Variants in C10orf90 observed in about 807,000 individuals in gnomAD.
The protein encoded by C10orf90 is chromosome 10 open reading frame 90.
In C10orf90, 56 loss-of-function variants were observed where a neutral mutation model predicts 62.5. The ratio of observed to expected loss-of-function variants is 0.90; its 90% CI spans 0.72 to 1.12. C10orf90 has a LOEUF of 1.12. Among genes scored for constraint, C10orf90 ranks in the 50% most tolerant of loss-of-function variants. The pLI is 0.00. For missense variants in C10orf90, 970 were observed against 880.4 expected, an observed-to-expected ratio of 1.10 and a Z score of -1.29; for synonymous variants, 386 against 340.4, an observed-to-expected ratio of 1.13 and a Z score of -1.47.
At chr10:126,471,298 G>A (rs571723063) in intron 4 of C10orf90, among the ~76,000 whole-genome samples, 1 of 152,300 alleles carries the variant, frequency 6.6e-6, no homozygotes, top group South Asian at 2.1e-4. Context: ...CAGACATGGA[G>A]GGGGCCTTTC....
At chr10:126,561,762 T>A (rs11245043) in intron 2 of C10orf90, among the ~76,000 whole-genome samples, 72,541 of 151,848 alleles carry the variant, frequency 0.48, 17,641 homozygotes, top group Middle Eastern at 0.55. Context: ...CAGTGGACAG[T>A]TGTGTGCCTG....
intron 7 of C10orf90, among the ~76,000 whole-genome samples, chr10:126,452,877 A>G (rs551932037): frequency 3.8e-4 from 58 of 152,322 alleles, no homozygotes; most frequent in African/African-American, 1.4e-3. Flanking sequence ...CTTGTGAGTA[A>G]TATCAGGAGA....
rs72831264 is a variant in C10orf90 at position 126,525,013 on chromosome 10, G to A, written c.314-11074C>T. On this transcript the variant is annotated intron_variant, in intron 2 of 9. Coordinates refer to ENST00000488181, the MANE Select transcript of C10orf90 (RefSeq NM_001350921.2). ...TTGCAGGTGGGTGGCAGAAAATTGG[G>A]ATGCTTCTGTGGACAAGAGTGGCCA... 8.0e-3 allele frequency among the ~76,000 whole-genome samples: 1,223 copies of A among 152,300 alleles called. 13 individuals carry two copies. Among genetic ancestry groups the A allele is most frequent in the Non-Finnish European group, 0.011 (761 of 68,034 alleles).
chr10:126,507,356 C>CA (rs1204374185), intron 3 of C10orf90, among the ~76,000 whole-genome samples: 11,004 of 68,686 alleles, frequency 0.16, 1,155 homozygotes, highest in East Asian at 0.31. Context: ...GACTCCATCT[C>CA]AAAAAAAAAA....
At chr10:126,559,611 C>T (rs777624685) in intron 2 of C10orf90, among the ~76,000 whole-genome samples, 8 of 152,296 alleles carry the variant, frequency 5.3e-5, no homozygotes, top group South Asian at 2.1e-4. Context: ...CTTCTGCCTC[C>T]GCCTGGTTGC....
chr10:126,589,567 A>T (rs989338350), intron 2 of C10orf90, among the ~76,000 whole-genome samples: 26 of 152,350 alleles, frequency 1.7e-4, no homozygotes, highest in Middle Eastern at 3.4e-3. Flanking sequence ...TTCTTAAAAG[A>T]AAGAATTTCC....
intron 4 of C10orf90, chr10:126,470,015 G>A (rs1590962096): frequency 4.4e-6 from 2 of 456,736 alleles, no homozygotes; most frequent in African/African-American, 2.0e-5. Flanking sequence ...CTGCAGTGGA[G>A]GGAAAGGCAT....
chr10:126,514,852 G>A (rs1258647908), intron 2 of C10orf90, among the ~76,000 whole-genome samples: 1 of 152,054 alleles, frequency 6.6e-6, no homozygotes, highest in Non-Finnish European at 1.5e-5. Flanking sequence ...CCAAACACAG[G>A]GAAATGGTAT....
intron 2 of C10orf90, among the ~76,000 whole-genome samples, chr10:126,515,388 T>A (rs1334382959): frequency 6.6e-6 from 1 of 152,226 alleles, no homozygotes; most frequent in African/African-American, 2.4e-5. Context: ...AATTGTCCTA[T>A]ACAGGTAGGC....
intron 8 of C10orf90, 35 bp from the exon 9 acceptor site, chr10:126,426,125 C>A (rs1185838244): frequency 6.4e-7 from 1 of 1,554,110 alleles, no homozygotes; most frequent in Non-Finnish European, 8.9e-7. Context: ...GGAATGGTAG[C>A]TTGACAGCGT....
intron 7 of C10orf90, among the ~76,000 whole-genome samples, chr10:126,447,771 A>G (rs1858878001): frequency 6.6e-6 from 1 of 152,214 alleles, no homozygotes. Flanking sequence ...AGAATAGATC[A>G]TATGTTAGGC....
chr10:126,505,753 G>A (rs1190272860), intron 3 of C10orf90, among the ~76,000 whole-genome samples: 1 of 152,170 alleles, frequency 6.6e-6, no homozygotes, highest in Non-Finnish European at 1.5e-5. Context: ...TCGTGAGTTT[G>A]AGACCAGCCT....
chr10:126,565,058 A>C (rs1285318325), intron 2 of C10orf90, among the ~76,000 whole-genome samples: 6 of 18,368 alleles, frequency 3.3e-4, no homozygotes, highest in African/African-American at 1.0e-3. Flanking sequence ...ATAATATATA[A>C]AATATATATT....
At chr10:126,466,991 C>T (rs1564812678) in intron 4 of C10orf90, among the ~76,000 whole-genome samples, 1 of 152,192 alleles carries the variant, frequency 6.6e-6, no homozygotes, top group East Asian at 1.9e-4. Context: ...AGCTCTCTGA[C>T]AGAATCAAAA....
intron 2 of C10orf90, among the ~76,000 whole-genome samples, chr10:126,592,115 A>G (rs1316331972): frequency 1.3e-5 from 2 of 152,246 alleles, no homozygotes; most frequent in Non-Finnish European, 2.9e-5. Flanking sequence ...GAAAATAGCC[A>G]TACTGCCCAA....
chr10:126,639,246 C>T lies in C10orf90; in HGVS notation c.313+7319G>A, dbSNP rs150311170. 2.2e-4 allele frequency among the ~76,000 whole-genome samples: 34 copies of T among 152,256 alleles called. 1 individual carries two copies. The highest frequency in any genetic ancestry group is 8.2e-4 in the African/African-American group (34 of 41,550). ...CACCCCTCCAGTTGACAACTGCTGC[C>T]AACTCAAAGCTATTTATCTTGCTCT... On this transcript the variant is annotated intron_variant, in intron 2 of 9. Coordinates refer to ENST00000488181, the MANE Select transcript of C10orf90 (RefSeq NM_001350921.2).
At chr10:126,641,621 A>T (rs2133844282) in intron 2 of C10orf90, among the ~76,000 whole-genome samples, 1 of 152,084 alleles carries the variant, frequency 6.6e-6, no homozygotes, top group Non-Finnish European at 1.5e-5. Flanking sequence ...ATCGCCCTCA[A>T]TCCATAGACC....
chr10:126,503,869 A>G, intron 4 of C10orf90, 88 bp downstream of exon 4: 3 of 1,474,298 alleles, frequency 2.0e-6, no homozygotes, highest in Non-Finnish European at 2.7e-6. Flanking sequence ...GCCTCTTAGA[A>G]TAAGTTTTGT....
At chr10:126,499,560 G>A (rs1862262973) in intron 4 of C10orf90, among the ~76,000 whole-genome samples, 1 of 152,170 alleles carries the variant, frequency 6.6e-6, no homozygotes, top group South Asian at 2.1e-4. Flanking sequence ...ATCTGCCCTT[G>A]AGTGGCGTAA....
Sources: allele counts gnomAD v4.1 joint callset (sites outside exome capture counted in the v4.1 genomes callset), GRCh38; gene constraint gnomAD v4.1.1; transcripts MANE v1.5; gene names NCBI Gene and HGNC (gene_info 2026-07-23, HGNC 2026-07-21).